Variants in FRMD4A observed in about 807,000 individuals in gnomAD.
FRMD4A encodes the protein FERM domain containing 4A, also known as FERM domain-containing protein 4A.
Under a neutral mutation model 129.1 loss-of-function variants are expected in FRMD4A, and 29 were observed. That is an observed-to-expected ratio of 0.22 (90% confidence interval 0.17 to 0.31). The LOEUF is 0.31. FRMD4A is among the 10% of genes least tolerant of loss of function. The pLI is 1.00. For synonymous variants in FRMD4A, 634 were observed against 571.6 expected (o/e 1.11, Z -1.56); for missense variants, 1,272 against 1,375.8 (o/e 0.92, Z 1.19).
At chr10:13,675,076 C>G (rs3814663) in intron 15 of FRMD4A, 32 bp from the exon 16 acceptor site, 683,232 of 1,599,946 alleles carry the variant, frequency 0.43, 153,302 homozygotes, top group Non-Finnish European at 0.47. Context: ...ACTTGGCCAG[C>G]TGACAGGGGA....
chr10:13,843,200 C>T (rs1301039890), intron 3 of FRMD4A, among the ~76,000 whole-genome samples: 8 of 152,158 alleles, frequency 5.3e-5, no homozygotes, highest in South Asian at 4.2e-4. Flanking sequence ...CTGGCTTCAT[C>T]GCTGGGACCC....
chr10:13,704,790 G>T (rs1257624323), intron 13 of FRMD4A, among the ~76,000 whole-genome samples: 1 of 152,020 alleles, frequency 6.6e-6, no homozygotes, highest in African/African-American at 2.4e-5. Context: ...TCTCAGCCAG[G>T]TTCCAGGCAG....
At chr10:14,172,727 C>T (rs887155869) in intron 2 of FRMD4A, among the ~76,000 whole-genome samples, 2 of 152,168 alleles carry the variant, frequency 1.3e-5, no homozygotes, top group African/African-American at 4.8e-5. Context: ...GGTAGGGGAT[C>T]ATGAAACAGC....
At chr10:14,287,989 T>C (rs1038984952) in intron 2 of FRMD4A, among the ~76,000 whole-genome samples, 1 of 150,976 alleles carries the variant, frequency 6.6e-6, no homozygotes, top group African/African-American at 2.4e-5. Flanking sequence ...AGAAACAAGA[T>C]GTTTATCCTT....
intron 2 of FRMD4A, among the ~76,000 whole-genome samples, chr10:13,944,914 G>A (rs533815249): frequency 2.6e-5 from 4 of 152,356 alleles, no homozygotes; most frequent in South Asian, 4.1e-4. Flanking sequence ...TGGGAACCCT[G>A]TGGTGTGGCC....
At chr10:14,256,627 T>A (rs945348122) in intron 2 of FRMD4A, among the ~76,000 whole-genome samples, 4 of 152,172 alleles carry the variant, frequency 2.6e-5, no homozygotes, top group Admixed American at 1.3e-4. Flanking sequence ...CTTATTATAT[T>A]GTAAAGGAAA....
chr10:13,915,637 A>T (rs2094993292), intron 2 of FRMD4A, among the ~76,000 whole-genome samples: 1 of 150,030 alleles, frequency 6.7e-6, no homozygotes. Context: ...ACGCCACTGC[A>T]CTCCAGACTG....
chr10:13,773,976 C>A (rs912011674), intron 6 of FRMD4A, among the ~76,000 whole-genome samples: 2 of 152,214 alleles, frequency 1.3e-5, no homozygotes, highest in Non-Finnish European at 2.9e-5. Flanking sequence ...ACGTTCCAGG[C>A]AGGCTTCCTG....
intron 3 of FRMD4A, among the ~76,000 whole-genome samples, chr10:13,813,753 C>T (rs367988008): frequency 2.6e-5 from 4 of 152,298 alleles, no homozygotes; most frequent in East Asian, 3.9e-4. Flanking sequence ...GGCTGAGCAG[C>T]GCTGCCAGAG....
chr10:13,908,164 T>TTAAA, intron 2 of FRMD4A, among the ~76,000 whole-genome samples: 1 of 41,118 alleles, frequency 2.4e-5, no homozygotes, highest in Non-Finnish European at 4.2e-5. Context: ...AAACTCCATC[T>TTAAA]AAAAAAAAAA....
intron 8 of FRMD4A, among the ~76,000 whole-genome samples, chr10:13,759,419 C>T (rs929122642): frequency 1.3e-5 from 2 of 152,184 alleles, no homozygotes; most frequent in East Asian, 1.9e-4. Flanking sequence ...TCCCATGATC[C>T]GTGGGGCCAG....
chr10:13,715,501 T>C (rs1230551649), intron 12 of FRMD4A, among the ~76,000 whole-genome samples: 1 of 152,228 alleles, frequency 6.6e-6, no homozygotes, highest in Non-Finnish European at 1.5e-5. Context: ...CCTTAGTTTT[T>C]TCATCTTTGA....
At chr10:14,215,849 C>T (rs1843057872) in intron 2 of FRMD4A, among the ~76,000 whole-genome samples, 1 of 152,274 alleles carries the variant, frequency 6.6e-6, no homozygotes, top group South Asian at 2.1e-4. Context: ...AGAACTTTGT[C>T]ATGGGAGTCT....
At chr10:14,185,610 G>C (rs942266939) in intron 2 of FRMD4A, among the ~76,000 whole-genome samples, 2 of 139,970 alleles carry the variant, frequency 1.4e-5, no homozygotes, top group South Asian at 2.2e-4. Context: ...TAGAGAGACA[G>C]AAAGGGGATA....
chr10:13,882,918 C>T (rs2094564176), intron 2 of FRMD4A, among the ~76,000 whole-genome samples: 1 of 151,968 alleles, frequency 6.6e-6, no homozygotes, highest in African/African-American at 2.4e-5. Context: ...ATCCTCCCAC[C>T]TCAGTCTCCC....
At chr10:14,008,377 T>G in intron 2 of FRMD4A, 1 of 1,026,856 alleles carries the variant, frequency 9.7e-7, no homozygotes, top group Non-Finnish European at 1.2e-6. Context: ...GCCCAAGTTC[T>G]GCAACTTCAG....
At position 13,646,715 on chromosome 10, in the gene FRMD4A, C is replaced by A. The variant is rs1023560071; in HGVS notation, c.*323G>T. 6.5e-6 allele frequency: 1 copy of A among 152,718 alleles called. No homozygotes were observed. The highest frequency in any genetic ancestry group is 2.4e-5 in the African/African-American group (1 of 41,452). The allele number at this position is 152,718 out of a possible 1,614,324, so 9.5% of individuals were successfully genotyped here. On this transcript the variant is annotated 3_prime_UTR_variant, in exon 25 of 25. Transcript: ENST00000357447. ...CCATTGAGGATTGGTGTCTGGCTCT[C>A]TATGGGCAAGAGCGCCAGGGGACAC...
At chr10:13,828,925 T>C (rs2093746622) in intron 3 of FRMD4A, among the ~76,000 whole-genome samples, 1 of 152,186 alleles carries the variant, frequency 6.6e-6, no homozygotes, top group Non-Finnish European at 1.5e-5. Flanking sequence ...AACATACAAG[T>C]GCAGGTATCT....
intron 2 of FRMD4A, among the ~76,000 whole-genome samples, chr10:13,883,541 C>G (rs4261188): frequency 0.43 from 65,609 of 151,978 alleles, 14,455 homozygotes; most frequent in East Asian, 0.69. Context: ...TGTGTTTTTG[C>G]ATACTATTCT....
Sources: allele counts gnomAD v4.1 joint callset (sites outside exome capture counted in the v4.1 genomes callset), GRCh38; gene constraint gnomAD v4.1.1; transcripts MANE v1.5; gene names NCBI Gene and HGNC (gene_info 2026-07-23, HGNC 2026-07-21).